SLCO3A1: variants seen among roughly 807,000 people sequenced by gnomAD.
SLCO3A1 encodes solute carrier organic anion transporter family member 3A1.
In SLCO3A1, 27 loss-of-function variants were observed where a neutral mutation model predicts 63.1. The ratio of observed to expected loss-of-function variants is 0.43; its 90% CI spans 0.32 to 0.59. The LOEUF (loss-of-function observed/expected upper bound fraction) is 0.59, where lower values mean the gene tolerates loss of function less well. SLCO3A1 is among the 20% of genes least tolerant of loss of function. SLCO3A1 has a pLI of 0.09. For missense variants in SLCO3A1, 773 were observed against 945.8 expected (o/e 0.82, Z 2.40); for synonymous variants, 473 against 409.9 (o/e 1.15, Z -1.86).
At chr15:91,995,312 G>C (rs2046177699) in intron 2 of SLCO3A1, among the ~76,000 whole-genome samples, 2 of 152,194 alleles carry the variant, frequency 1.3e-5, no homozygotes, top group African/African-American at 4.8e-5. Flanking sequence ...TTAAGGCTTA[G>C]TGTCCTTGCA....
chr15:92,134,263 T>G (rs2048030289), intron 7 of SLCO3A1, among the ~76,000 whole-genome samples: 1 of 152,248 alleles, frequency 6.6e-6, no homozygotes, highest in African/African-American at 2.4e-5. Context: ...AGAGCTGATT[T>G]AAAAGTCTGT....
At chr15:91,855,144 C>T (rs1186934039) in intron 1 of SLCO3A1, among the ~76,000 whole-genome samples, 2 of 152,136 alleles carry the variant, frequency 1.3e-5, no homozygotes, top group Non-Finnish European at 1.5e-5. Flanking sequence ...TAGAATTGGA[C>T]AAGATTTTGG....
intron 2 of SLCO3A1, among the ~76,000 whole-genome samples, chr15:92,004,740 CT>C (rs1241667731): frequency 6.6e-6 from 1 of 152,218 alleles, no homozygotes; most frequent in African/African-American, 2.4e-5. Flanking sequence ...ATAGTTGGAG[CT>C]TCTCCCAATT....
At position 91,883,416 on chromosome 15, in the gene SLCO3A1, G is replaced by A. The variant is rs1477966063; in HGVS notation, c.180+29328G>A. On this transcript the variant is annotated intron_variant, in intron 1 of 9. Coordinates refer to ENST00000318445, the MANE Select transcript of SLCO3A1 (RefSeq NM_013272.4). This position sits in a 1 kb window ranked among gnomAD's most constrained non-coding sequence, Gnocchi z 4.8. ...AGCAGTGCCAGTTTGGGATCAGAAC[G>A]TCCAATCGCTGACTGGTTCTCTTGC... Among the ~76,000 whole-genome samples, 3 of 152,180 alleles carry A rather than the reference G, an allele frequency of 2.0e-5. No homozygotes were observed. Among genetic ancestry groups the A allele is most frequent in the East Asian group, 3.9e-4 (2 of 5,182 alleles).
chr15:92,119,552 G>A (rs2047836258), intron 4 of SLCO3A1, among the ~76,000 whole-genome samples: 2 of 152,148 alleles, frequency 1.3e-5, no homozygotes, highest in African/African-American at 4.8e-5. Context: ...AGATCTACAG[G>A]CAGAGCATTC....
chr15:92,097,571 C>A (rs1167772935), intron 3 of SLCO3A1, among the ~76,000 whole-genome samples: 1 of 152,194 alleles, frequency 6.6e-6, no homozygotes, highest in African/African-American at 2.4e-5. Flanking sequence ...CTACTTGGTG[C>A]CTGCATGGAT....
At chr15:92,074,979 C>G (rs954580931) in intron 2 of SLCO3A1, among the ~76,000 whole-genome samples, 2 of 152,118 alleles carry the variant, frequency 1.3e-5, no homozygotes, top group Non-Finnish European at 2.9e-5. Flanking sequence ...GCAGTTTGTT[C>G]AGACTTGGGG....
At chr15:92,130,884 GCA>G (rs67232323) in intron 7 of SLCO3A1, among the ~76,000 whole-genome samples, 51,833 of 106,564 alleles carry the variant, frequency 0.49, 12,582 homozygotes, top group Middle Eastern at 0.58. Flanking sequence ...CAAGTTCGGG[GCA>G]AAAAAAAAAA....
chr15:91,866,321 A>G (rs546896587), intron 1 of SLCO3A1, among the ~76,000 whole-genome samples: 12 of 152,306 alleles, frequency 7.9e-5, no homozygotes, highest in African/African-American at 2.9e-4. Context: ...CCTCACACCC[A>G]GGATTCCTTA....
chr15:92,050,610 A>C (rs58649579), intron 2 of SLCO3A1, among the ~76,000 whole-genome samples: 4,038 of 151,944 alleles, frequency 0.027, 168 homozygotes, highest in African/African-American at 0.093. Flanking sequence ...TTACATCTCT[A>C]TCTTCTGTCC....
rs764745948 is a variant in SLCO3A1, at chr15:92,104,317, G to A, written c.784G>A (p.Gly262Arg). 5 of 1,614,032 alleles carry A rather than the reference G, an allele frequency of 3.1e-6. No homozygotes were observed. The highest frequency in any genetic ancestry group is 1.3e-5 in the African/African-American group (1 of 74,908). The change falls in exon 4 of 10, where the codon GGA (glycine) becomes AGA (arginine). Residue 262 changes from glycine (G) to arginine (R), a missense_variant. By Grantham distance (125) the Gly-to-Arg change is moderately radical. Coordinates refer to ENST00000318445, the MANE Select transcript of SLCO3A1 (RefSeq NM_013272.4). ...CACTCCGGACGACCCCCGCTGGATC[G>A]GAGCCTGGTGGGGTGGCTTTCTGCT... ...DITPDDPRWI[G>R]AWWGGFLLCG...
chr15:92,122,500 C>T (rs1011330235), intron 5 of SLCO3A1, among the ~76,000 whole-genome samples: 9 of 152,196 alleles, frequency 5.9e-5, no homozygotes, highest in Admixed American at 5.9e-4. Context: ...ACTGATAGAA[C>T]CAAGTGTTGG....
Position 92,121,971 on chromosome 15 carries a change from C to T in SLCO3A1, c.1174+1342C>T, listed in dbSNP as rs141624380. Reference sequence around the variant, plus strand: ...GTTCTGTGGTGTGGAGGGAAGCCCACGAGAGGGAAGGAGTAGACAGTGAGC... The same window carrying T: ...GTTCTGTGGTGTGGAGGGAAGCCCATGAGAGGGAAGGAGTAGACAGTGAGC... On this transcript the variant is annotated intron_variant, in intron 5 of 9. Coordinates refer to ENST00000318445, the MANE Select transcript of SLCO3A1 (RefSeq NM_013272.4). 9.9e-4 allele frequency among the ~76,000 whole-genome samples: 151 copies of T among 152,152 alleles called. 1 individual carries two copies. The highest frequency in any genetic ancestry group is 3.2e-3 in the African/African-American group (131 of 41,510).
Position 92,147,003 on chromosome 15 carries a change from G to T in SLCO3A1, c.1532G>T (p.Cys511Phe). ...CNSTNLTGCA[C>F]LTTVPAENAT... ...TTTCAGAATCTCACGGGCTGTGCGTGCCTCACCACCGTCCCTGCTGAGAAC... is the reference window on the plus strand; with the variant it reads ...TTTCAGAATCTCACGGGCTGTGCGTTCCTCACCACCGTCCCTGCTGAGAAC... The change falls in exon 8 of 10, where the codon TGC becomes TTC. Residue 511 changes from cysteine to phenylalanine, a missense_variant. Coordinates refer to ENST00000318445, the MANE Select transcript of SLCO3A1 (RefSeq NM_013272.4). 1 of 1,613,348 alleles carries T rather than the reference G, an allele frequency of 6.2e-7. No homozygotes were observed. Among genetic ancestry groups the T allele is most frequent in the Non-Finnish European group, 8.5e-7 (1 of 1,179,602 alleles).
intron 1 of SLCO3A1, among the ~76,000 whole-genome samples, chr15:91,864,844 C>A (rs922342847): frequency 1.3e-5 from 2 of 152,164 alleles, no homozygotes; most frequent in African/African-American, 2.4e-5. Flanking sequence ...TGTTCATTTC[C>A]GCTCTGTCAC....
At chr15:92,133,212 T>A (rs78795020) in intron 7 of SLCO3A1, among the ~76,000 whole-genome samples, 1 of 145,960 alleles carries the variant, frequency 6.9e-6, no homozygotes, top group African/African-American at 2.5e-5. Flanking sequence ...CCTCGGGGGA[T>A]ATCATCACCC....
In SLCO3A1 at chr15:91,854,004, G is replaced by T. The variant is rs1426140195; in HGVS notation, c.96G>T (p.Lys32Asn). ...EAQRNKKKKKKVSCFSNIKIF... is the reference protein window; with the variant it reads ...EAQRNKKKKKNVSCFSNIKIF... Reference sequence around the variant, plus strand: ...AGAGGAACAAGAAAAAGAAAAAGAAGGTGTCCTGCTTTTCCAACATCAAGA... The same window carrying T: ...AGAGGAACAAGAAAAAGAAAAAGAATGTGTCCTGCTTTTCCAACATCAAGA... The change falls in exon 1 of 10, where the codon AAG (lysine) becomes AAT (asparagine). Residue 32 changes from lysine to asparagine, a missense_variant. Lys to Asn is a moderately conservative substitution (Grantham distance 94). This residue lies in a region of SLCO3A1 where 69 missense variants were observed against 64.6 expected (regional missense o/e 1.07). Transcript: ENST00000318445. This position sits in a 1 kb window ranked among gnomAD's most constrained non-coding sequence, Gnocchi z 6.4. The T allele has an allele frequency of 6.5e-7, 1 of 1,544,086 alleles. No homozygotes were observed. The highest frequency in any genetic ancestry group is 8.7e-7 in the Non-Finnish European group (1 of 1,144,484).
At chr15:91,861,013 C>T (rs947744880) in intron 1 of SLCO3A1, among the ~76,000 whole-genome samples, 3 of 152,174 alleles carry the variant, frequency 2.0e-5, no homozygotes, top group African/African-American at 4.8e-5. Context: ...GCAGCCTTCC[C>T]GCCCCCAGTC....
At chr15:92,159,320 A>C (rs1485962544) in intron 9 of SLCO3A1, among the ~76,000 whole-genome samples, 2 of 152,082 alleles carry the variant, frequency 1.3e-5, no homozygotes, top group Admixed American at 6.5e-5. Context: ...CCCCGTCTCT[A>C]CTAAAAATAC....
Sources: gnomAD v4.1 joint callset for allele counts (sites outside exome capture counted in the v4.1 genomes callset) on GRCh38, gnomAD v4.1.1 for gene constraint, gnomAD v4.1.1 regional missense constraint, Gnocchi (gnomAD v3.1) non-coding constraint, MANE v1.5 for transcripts, NCBI Gene and HGNC (gene_info 2026-07-23, HGNC 2026-07-21) for gene names.